Variants in NRG1 observed in about 807,000 individuals in gnomAD.
NRG1 encodes the protein neuregulin 1, also known as pro-neuregulin-1, membrane-bound isoform.
A neutral mutation model predicts 63.8 loss-of-function variants in NRG1; 18 were observed. That is an observed-to-expected ratio of 0.28 (90% CI 0.19 to 0.42). The LOEUF is 0.42. NRG1 is among the 10% of genes least tolerant of loss of function. NRG1 has a pLI of 1.00. For missense variants in NRG1, 762 were observed against 814.7 expected (o/e 0.94, Z 0.79); for synonymous variants, 302 against 301.3 (o/e 1.00, Z -0.02).
At chr8:32,245,434 C>T (rs1209845420) in intron 1 of NRG1, among the ~76,000 whole-genome samples, 1 of 152,070 alleles carries the variant, frequency 6.6e-6, no homozygotes, top group Non-Finnish European at 1.5e-5. Context: ...AGGAAGGTGT[C>T]CAAACTGCTT....
chr8:32,764,139 G>A, exon 12 of NRG1: 2 of 1,614,082 alleles, frequency 1.2e-6, no homozygotes, highest in Non-Finnish European at 1.7e-6. Context: ...CAAGCCCAAT[G>A]GCCACATTGC....
At chr8:32,592,414 CTT>C (rs1270000950) in intron 1 of NRG1, among the ~76,000 whole-genome samples, 1 of 152,100 alleles carries the variant, frequency 6.6e-6, no homozygotes, top group African/African-American at 2.4e-5. Flanking sequence ...TGCCATGTCT[CTT>C]TAATCTCCTT....
At chr8:32,089,812 AAAAG>A (rs1359054410) in intron 1 of NRG1, among the ~76,000 whole-genome samples, 2 of 152,224 alleles carry the variant, frequency 1.3e-5, no homozygotes, top group Non-Finnish European at 2.9e-5. Flanking sequence ...GAGAAAGAAA[AAAAG>A]AACATATCTA....
At position 32,246,027 on chromosome 8, in the gene NRG1, C is replaced by T. The variant is rs187536744; in HGVS notation, c.38-349801C>T. 1.5e-4 allele frequency among the ~76,000 whole-genome samples: 23 copies of T among 152,188 alleles called. No individual in the cohort carries two copies. The East Asian group carries it at 2.9e-3, about 19-fold the overall frequency. ...CCCAAGAGGGCTTTAAATGAGCATA[C>T]CTAATGTTTCCAATATTTCATGCAA... On this transcript the variant is annotated intron_variant, in intron 1 of 10. Transcript: ENST00000519301.
intron 1 of NRG1, among the ~76,000 whole-genome samples, chr8:32,240,719 TA>T (rs983371712): frequency 3.3e-5 from 5 of 150,986 alleles, no homozygotes; most frequent in South Asian, 2.1e-4. Context: ...CAGGAAATTG[TA>T]AAAAAAAATG....
At chr8:32,269,076 C>G (rs1466454078) in intron 1 of NRG1, among the ~76,000 whole-genome samples, 1 of 151,956 alleles carries the variant, frequency 6.6e-6, no homozygotes, top group African/African-American at 2.4e-5. Flanking sequence ...CTCTCTTTTC[C>G]TCTCTCCCTC....
At chr8:31,993,160 G>A (rs975396477) in intron 1 of NRG1, among the ~76,000 whole-genome samples, 2 of 151,986 alleles carry the variant, frequency 1.3e-5, no homozygotes, top group African/African-American at 2.4e-5. Context: ...GTAGAGGGTG[G>A]TTGATCAGTG....
intron 1 of NRG1, among the ~76,000 whole-genome samples, chr8:31,867,646 A>G (rs1213507940): frequency 1.3e-5 from 2 of 152,192 alleles, no homozygotes; most frequent in Admixed American, 6.6e-5. Context: ...ATGTTTAGGT[A>G]TCACCAAATA....
At chr8:32,201,864 T>G (rs1448575005) in intron 1 of NRG1, among the ~76,000 whole-genome samples, 1 of 152,218 alleles carries the variant, frequency 6.6e-6, no homozygotes. Context: ...TGAAGGGACC[T>G]CAAGAAGTTA....
At chr8:31,855,073 A>G (rs1245837399) in intron 1 of NRG1, among the ~76,000 whole-genome samples, 3 of 152,122 alleles carry the variant, frequency 2.0e-5, no homozygotes, top group African/African-American at 7.2e-5. Context: ...TGGTGCTGAA[A>G]AAAATGTATA....
intron 1 of NRG1, among the ~76,000 whole-genome samples, chr8:31,689,097 A>C (rs966674772): frequency 2.0e-5 from 3 of 152,326 alleles, no homozygotes; most frequent in Middle Eastern, 3.4e-3. Flanking sequence ...CTTCCACTTC[A>C]AGAATCCTTG....
At chr8:32,631,200 G>A (rs965807770) in intron 5 of NRG1, among the ~76,000 whole-genome samples, 4 of 151,924 alleles carry the variant, frequency 2.6e-5, no homozygotes, top group Non-Finnish European at 5.9e-5. Context: ...TAATTAAAAA[G>A]CAAATACTCA....
At chr8:32,649,159 CTTT>C (rs35558760) in intron 5 of NRG1, among the ~76,000 whole-genome samples, 187 of 123,340 alleles carry the variant, frequency 1.5e-3, no homozygotes, top group South Asian at 4.0e-3. Flanking sequence ...TGAGGTACAT[CTTT>C]TTTTTTTTTT....
chr8:32,705,382 C>T (rs999448563), intron 5 of NRG1, among the ~76,000 whole-genome samples: 16 of 152,108 alleles, frequency 1.1e-4, no homozygotes, highest in African/African-American at 2.9e-4. Context: ...CTGCCCGCCT[C>T]GGCCTCCCAA....
intron 1 of NRG1, among the ~76,000 whole-genome samples, chr8:32,448,898 A>ATG (rs1045195784): frequency 1.3e-4 from 20 of 151,574 alleles, no homozygotes; most frequent in Non-Finnish European, 8.8e-5. Flanking sequence ...TCTGAAGTGT[A>ATG]TGTGTGTGTG....
intron 5 of NRG1, among the ~76,000 whole-genome samples, chr8:32,713,926 G>A (rs1390766340): frequency 6.6e-6 from 1 of 151,776 alleles, no homozygotes; most frequent in East Asian, 1.9e-4. Context: ...TAGGGTTCAA[G>A]CAATTCTCCT....
At chr8:31,809,441 G>C (rs189456037) in intron 1 of NRG1, among the ~76,000 whole-genome samples, 1 of 146,942 alleles carries the variant, frequency 6.8e-6, no homozygotes, top group African/African-American at 2.5e-5. Context: ...TTAGACAAAC[G>C]TTAGGATTTC....
At position 32,055,828 on chromosome 8, in the gene NRG1, G is replaced by C. The variant is rs146878216; in HGVS notation, c.37+416397G>C. ...GAGCCCCCTTGGTGGTGTTTTCCTT[G>C]GTGATATGATACTGGGCCGTATTCC... On this transcript the variant is annotated intron_variant, in intron 1 of 10. Transcript: ENST00000519301. 1.1e-3 allele frequency among the ~76,000 whole-genome samples: 169 copies of C among 152,190 alleles called. 4 individuals are homozygous for C. In the East Asian group the frequency reaches 0.027, roughly 24 times the overall value.
intron 1 of NRG1, among the ~76,000 whole-genome samples, chr8:32,487,175 C>T (rs1160528473): frequency 6.8e-6 from 1 of 147,336 alleles, no homozygotes; most frequent in Non-Finnish European, 1.5e-5. Flanking sequence ...TAACGTAAAA[C>T]AGTGTTGGAT....
Sources: gnomAD v4.1 joint callset for allele counts (sites outside exome capture counted in the v4.1 genomes callset) on GRCh38, gnomAD v4.1.1 for gene constraint, MANE v1.5 for transcripts, NCBI Gene and HGNC (gene_info 2026-07-23, HGNC 2026-07-21) for gene names.